UGT1A4: variants seen among roughly 807,000 people sequenced by gnomAD.
UGT1A4 encodes UDP glucuronosyltransferase family 1 member A4.
A neutral mutation model predicts 41.1 loss-of-function variants in UGT1A4; 32 were observed. The ratio of observed to expected loss-of-function variants is 0.78; its 90% CI spans 0.59 to 1.05. UGT1A4 has a LOEUF of 1.05. Ranked by LOEUF, UGT1A4 falls within the 50% of genes least tolerant of loss-of-function variation. The pLI is 0.00. For missense variants in UGT1A4, 748 were observed against 677.4 expected (o/e 1.10, Z -1.16); for synonymous variants, 283 against 265.1 (o/e 1.07, Z -0.66).
In UGT1A4 at chr2:233,743,065, G is replaced by A. The variant is rs916889730; in HGVS notation, c.867+23378G>A. Reference sequence around the variant, plus strand: ...CCGTGTAGTCCCAACGATAAGAACAGGTGTTGGCATGAAGTGTTTATAAAT... The same window carrying A: ...CCGTGTAGTCCCAACGATAAGAACAAGTGTTGGCATGAAGTGTTTATAAAT... On this transcript the variant is annotated intron_variant, in intron 1 of 4. Coordinates refer to ENST00000373409, the MANE Select transcript of UGT1A4 (RefSeq NM_007120.3). 1.2e-5 allele frequency: 4 copies of A among 339,690 alleles called. No homozygotes were observed. The Admixed American group carries it at 1.2e-4, about 10-fold the overall frequency. The allele number at this position is 339,690 out of a possible 1,614,324, so 21.0% of individuals were successfully genotyped here.
intron 1 of UGT1A4, among the ~76,000 whole-genome samples, chr2:233,723,516 C>CT (rs1162916866): frequency 0.039 from 3,331 of 85,338 alleles, 215 homozygotes; most frequent in African/African-American, 0.13. Flanking sequence ...GGTCAACAAT[C>CT]TTTTTTTTTT....
chr2:233,738,458 G>A (rs1690791213), intron 1 of UGT1A4, among the ~76,000 whole-genome samples: 1 of 152,228 alleles, frequency 6.6e-6, no homozygotes, highest in South Asian at 2.1e-4. Context: ...GAAGATGTGG[G>A]AAAGTTTGGA....
chr2:233,737,653 G>C (rs567057644), intron 1 of UGT1A4, among the ~76,000 whole-genome samples: 4 of 152,320 alleles, frequency 2.6e-5, no homozygotes, highest in African/African-American at 9.6e-5. Context: ...CATGCTGGGA[G>C]CTGCAGATCG....
At chr2:233,747,502 C>A in intron 1 of UGT1A4, 1 of 1,608,242 alleles carries the variant, frequency 6.2e-7, no homozygotes, top group Non-Finnish European at 8.5e-7. Context: ...CTGGGCCACA[C>A]TCAACTGTAC....
chr2:233,724,348 C>G, intron 1 of UGT1A4, among the ~76,000 whole-genome samples: 1 of 144,652 alleles, frequency 6.9e-6, no homozygotes, highest in East Asian at 2.1e-4. Context: ...TGACCCCCCC[C>G]ACCTCCCTCC....
At chr2:233,763,966 T>C (rs189385598) in intron 1 of UGT1A4, among the ~76,000 whole-genome samples, 68 of 152,296 alleles carry the variant, frequency 4.5e-4, no homozygotes, top group Admixed American at 7.2e-4. Flanking sequence ...GGTTGAGATA[T>C]ATGTGGGTTA....
At chr2:233,755,646 G>A (rs1240330219) in intron 1 of UGT1A4, 4 of 157,058 alleles carry the variant, frequency 2.5e-5, no homozygotes, top group Admixed American at 2.5e-4. Context: ...CTTTTTCCTC[G>A]GCCACAGGAG....
chr2:233,729,788 C>T (rs377448970), intron 1 of UGT1A4: 5 of 1,613,954 alleles, frequency 3.1e-6, no homozygotes, highest in Non-Finnish European at 3.4e-6. Flanking sequence ...CTGGCCCTGT[C>T]CTACATTTGC....
At chr2:233,724,723 C>T (rs1313169772) in intron 1 of UGT1A4, among the ~76,000 whole-genome samples, 1 of 144,588 alleles carries the variant, frequency 6.9e-6, no homozygotes, top group African/African-American at 2.6e-5. Flanking sequence ...GACTGGGCAG[C>T]CAGGCAGAGG....
rs1017104769 is a variant in UGT1A4, at chr2:233,772,683, C to T, written c.*124C>T. On this transcript the variant is annotated 3_prime_UTR_variant, in exon 5 of 5. Transcript: ENST00000373409. The stretch of plus-strand genomic sequence containing the variant: ...GAAATACTTTGCATAAATTAATCAG[C>T]CCCAGAGTGCTTTAAAAAATTCTCT... 4 of 1,495,776 alleles carry T rather than the reference C, an allele frequency of 2.7e-6. No individual in the cohort carries two copies. Among genetic ancestry groups the T allele is most frequent in the Admixed American group, 4.9e-5 (2 of 41,024 alleles). 92.7% of individuals were successfully genotyped at this position (1,495,776 alleles called of 1,614,324 possible).
chr2:233,743,576 A>T (rs1692358823), intron 1 of UGT1A4: 1 of 1,367,112 alleles, frequency 7.3e-7, no homozygotes, highest in Non-Finnish European at 9.8e-7. Flanking sequence ...GTTTCCCAAG[A>T]GGTCAAAGGA....
intron 1 of UGT1A4, among the ~76,000 whole-genome samples, chr2:233,759,718 G>C (rs914055324): frequency 2.0e-5 from 3 of 151,782 alleles, no homozygotes; most frequent in African/African-American, 7.3e-5. Context: ...TCGTGTGGTG[G>C]GCTCTGCTGC....
chr2:233,730,403 A>G (rs1043084681), intron 1 of UGT1A4, among the ~76,000 whole-genome samples: 1 of 152,216 alleles, frequency 6.6e-6, no homozygotes, highest in Non-Finnish European at 1.5e-5. Context: ...GTAAATTACA[A>G]TTGTTGACAT....
intron 1 of UGT1A4, among the ~76,000 whole-genome samples, chr2:233,751,504 G>A (rs879429871): frequency 1.3e-5 from 2 of 152,170 alleles, no homozygotes; most frequent in Non-Finnish European, 2.9e-5. Flanking sequence ...ATTTGGGAGG[G>A]GCCAGAGGGC....
intron 1 of UGT1A4, among the ~76,000 whole-genome samples, chr2:233,735,224 A>T (rs953132895): frequency 1.3e-5 from 2 of 152,126 alleles, no homozygotes; most frequent in African/African-American, 4.8e-5. Context: ...TATATTTAGG[A>T]TAGTTAGCTC....
At position 233,747,373 on chromosome 2, in the gene UGT1A4, G is replaced by A. The variant is rs565595947; in HGVS notation, c.868-19661G>A. 4.2e-4 allele frequency: 670 copies of A among 1,604,600 alleles called. 2 individuals are homozygous for A. The highest frequency in any genetic ancestry group is 5.4e-4 in the Non-Finnish European group (630 of 1,172,902). ...GAGGCCGTGCGGGAGCTCCATGCCAGAGGCCACCAGGCGGTGGTCCTCACC... is the reference window on the plus strand; with the variant it reads ...GAGGCCGTGCGGGAGCTCCATGCCAAAGGCCACCAGGCGGTGGTCCTCACC... On this transcript the variant is annotated intron_variant, in intron 1 of 4. Coordinates refer to ENST00000373409, the MANE Select transcript of UGT1A4 (RefSeq NM_007120.3).
At position 233,769,954 on chromosome 2, in the gene UGT1A4, T is replaced by G. The variant is rs1348335811; in HGVS notation, c.1307+1515T>G. 3 of 220,032 alleles carry G rather than the reference T, an allele frequency of 1.4e-5. No individual in the cohort carries two copies. The highest frequency in any genetic ancestry group is 2.3e-5 in the African/African-American group (1 of 44,160). The allele number at this position is 220,032 out of a possible 1,614,324, so 13.6% of individuals were successfully genotyped here. Reference sequence around the variant, plus strand: ...CCCATTCCTTCCTTCCAGCGGCTTCTTCTGGCCACCTCAATGTCAGGATGT... The same window carrying G: ...CCCATTCCTTCCTTCCAGCGGCTTCGTCTGGCCACCTCAATGTCAGGATGT... On this transcript the variant is annotated intron_variant, in intron 4 of 4. Coordinates refer to ENST00000373409, the MANE Select transcript of UGT1A4 (RefSeq NM_007120.3). This position sits in a 1 kb window ranked among gnomAD's most constrained non-coding sequence, Gnocchi z 4.4.
chr2:233,735,829 A>G (rs1353832025), intron 1 of UGT1A4, among the ~76,000 whole-genome samples: 8 of 152,278 alleles, frequency 5.3e-5, no homozygotes, highest in African/African-American at 1.9e-4. Context: ...AGAATGTTGA[A>G]TATTGGCCCC....
chr2:233,761,524 A>G (rs1388397599), intron 1 of UGT1A4, among the ~76,000 whole-genome samples: 1 of 152,234 alleles, frequency 6.6e-6, no homozygotes, highest in Non-Finnish European at 1.5e-5. Flanking sequence ...AATGTTCAGG[A>G]CTGATGAAAT....
Sources: allele counts gnomAD v4.1 joint callset (sites outside exome capture counted in the v4.1 genomes callset), GRCh38; gene constraint gnomAD v4.1.1; non-coding constraint Gnocchi (gnomAD v3.1); transcripts MANE v1.5; gene names NCBI Gene and HGNC (gene_info 2026-07-23, HGNC 2026-07-21).